The following TCF4 variants were observed in gnomAD, a reference collection of about 807,000 sequenced individuals.
TCF4 encodes the protein transcription factor 4.
In TCF4, 3 loss-of-function variants were observed where a neutral mutation model predicts 82.1. The observed-to-expected ratio is 0.04, with a 90% CI of 0.02 to 0.09. The LOEUF is 0.09. Ranked by LOEUF, TCF4 falls within the 10% of genes least tolerant of loss-of-function variation. The pLI is 1.00. For missense variants in TCF4, 518 were observed against 852.7 expected (o/e 0.61, Z 4.89); for synonymous variants, 276 against 309.6 (o/e 0.89, Z 1.14).
intron 3 of TCF4, among the ~76,000 whole-genome samples, chr18:55,472,924 C>G (rs932852970): frequency 6.6e-6 from 1 of 152,104 alleles, no homozygotes; most frequent in Admixed American, 6.6e-5. Flanking sequence ...CTTTAGAAAA[C>G]AAAGTGTTAA....
At chr18:55,315,965 T>A (rs954656703) in intron 8 of TCF4, among the ~76,000 whole-genome samples, 2 of 152,100 alleles carry the variant, frequency 1.3e-5, no homozygotes, top group Admixed American at 6.6e-5. Context: ...ATAATGTTTA[T>A]CATATACAAC....
intron 8 of TCF4, among the ~76,000 whole-genome samples, chr18:55,334,591 C>T (rs74776396): frequency 0.011 from 1,645 of 152,206 alleles, 13 homozygotes; most frequent in Non-Finnish European, 0.015. Flanking sequence ...AGTGCCTTCA[C>T]CTTTCTAGAA....
intron 6 of TCF4, among the ~76,000 whole-genome samples, chr18:55,371,850 G>C (rs2089300189): frequency 6.6e-6 from 1 of 152,112 alleles, no homozygotes; most frequent in Admixed American, 6.6e-5. Context: ...GTGAGGTCCT[G>C]GAAGCTGGGG....
intron 3 of TCF4, among the ~76,000 whole-genome samples, chr18:55,518,657 A>G (rs1253106957): frequency 6.6e-6 from 1 of 152,222 alleles, no homozygotes; most frequent in Non-Finnish European, 1.5e-5. Flanking sequence ...AAGGATGAAT[A>G]ACCCAGAAAT....
At chr18:55,530,325 T>G (rs1222519480) in intron 3 of TCF4, among the ~76,000 whole-genome samples, 1 of 151,806 alleles carries the variant, frequency 6.6e-6, no homozygotes, top group African/African-American at 2.4e-5. Flanking sequence ...GAGTAGGGGG[T>G]TGGGATTCAA....
chr18:55,621,932 CTA>C (rs1205999570), intron 2 of TCF4, among the ~76,000 whole-genome samples: 1 of 10,972 alleles, frequency 9.1e-5, no homozygotes, highest in East Asian at 2.7e-3. Flanking sequence ...ACACTATATA[CTA>C]TATATACACT....
chr18:55,422,099 A>G lies in TCF4; in HGVS notation c.305-18581T>C, dbSNP rs2919447. ...AGGGAATAGATTAAAAAGAAAAAGCACAAAAAAAAAAAAACCACTATCATC... is the reference window on the plus strand; with the variant it reads ...AGGGAATAGATTAAAAAGAAAAAGCGCAAAAAAAAAAAAACCACTATCATC... On this transcript the variant is annotated intron_variant, in intron 5 of 19. Coordinates refer to ENST00000354452, the MANE Select transcript of TCF4 (RefSeq NM_001083962.2). 19 of 608,996 alleles carry G rather than the reference A, an allele frequency of 3.1e-5. No homozygotes were observed. The South Asian group carries it at 1.2e-3, about 40-fold the overall frequency. 37.7% of individuals were successfully genotyped at this position (608,996 alleles called of 1,614,324 possible).
chr18:55,406,115 T>A (rs929798504), intron 5 of TCF4, among the ~76,000 whole-genome samples: 1 of 139,406 alleles, frequency 7.2e-6, no homozygotes, highest in Non-Finnish European at 1.5e-5. Flanking sequence ...AGCAGGAGGC[T>A]GGGAGGTGGA....
intron 8 of TCF4, among the ~76,000 whole-genome samples, chr18:55,333,941 T>C (rs2078103151): frequency 6.6e-6 from 1 of 152,214 alleles, no homozygotes; most frequent in Non-Finnish European, 1.5e-5. Flanking sequence ...GATAATTATA[T>C]AAACTCCTCC....
chr18:55,378,657 T>C (rs1244107461), intron 6 of TCF4, among the ~76,000 whole-genome samples: 3 of 152,202 alleles, frequency 2.0e-5, no homozygotes, highest in African/African-American at 7.2e-5. Flanking sequence ...GTGACTTTGG[T>C]CTCCATATAG....
intron 2 of TCF4, among the ~76,000 whole-genome samples, chr18:55,622,990 G>A (rs1457780873): frequency 1.3e-5 from 2 of 151,984 alleles, no homozygotes; most frequent in Non-Finnish European, 2.9e-5. Flanking sequence ...GAAAACCATA[G>A]AGTGGCAGAC....
Position 55,259,988 on chromosome 18 carries a change from T to C in TCF4, c.1030A>G (p.Asn344Asp). 6.2e-7 allele frequency: 1 copy of C among 1,613,536 alleles called. No homozygotes were observed. The highest frequency in any genetic ancestry group is 8.5e-7 in the Non-Finnish European group (1 of 1,179,628). The change falls in exon 13 of 20, where the codon AAC becomes GAC. Residue 344 changes from asparagine (N) to aspartate (D), a missense_variant. By Grantham distance (23) the Asn-to-Asp change is conservative. Coordinates refer to ENST00000354452, the MANE Select transcript of TCF4 (RefSeq NM_001083962.2). ...GGAGAGCCAACAGGAGTTGAAGGGT[T>C]TGATGAAAAGCTGTTGTTAGTGTGA... ...PDHTNNSFSSNPSTPVGSPPS... is the reference protein window; with the variant it reads ...PDHTNNSFSSDPSTPVGSPPS...
chr18:55,271,011 T>C (rs569013978), intron 10 of TCF4, among the ~76,000 whole-genome samples: 20 of 152,266 alleles, frequency 1.3e-4, no homozygotes, highest in African/African-American at 3.8e-4. Flanking sequence ...CTGTTAAAAA[T>C]TGTTTATTTC....
intron 6 of TCF4, among the ~76,000 whole-genome samples, chr18:55,365,516 C>T (rs577771364): frequency 2.8e-4 from 43 of 152,006 alleles, no homozygotes; most frequent in African/African-American, 1.0e-3. Flanking sequence ...AAGTCAGCTC[C>T]CTAATGCTCT....
intron 6 of TCF4, chr18:55,400,733 A>C: frequency 4.2e-6 from 1 of 237,828 alleles, no homozygotes; most frequent in South Asian, 5.6e-5. Flanking sequence ...GTCTCACAAT[A>C]ATAATGTATT....
intron 11 of TCF4, 123 bp from the exon 12 acceptor site, chr18:55,261,656 T>A: frequency 9.6e-7 from 1 of 1,041,078 alleles, no homozygotes; most frequent in Non-Finnish European, 1.5e-6. Context: ...CATTAATCTT[T>A]AATTAGCATT....
intron 8 of TCF4, among the ~76,000 whole-genome samples, chr18:55,293,562 AATAG>A (rs1444542826): frequency 1.3e-5 from 2 of 152,142 alleles, no homozygotes; most frequent in Admixed American, 1.3e-4. Context: ...TTCTATCGTT[AATAG>A]ATAGAGGTTC....
chr18:55,346,930 TC>T (rs767658115), intron 8 of TCF4, among the ~76,000 whole-genome samples: 3 of 152,200 alleles, frequency 2.0e-5, no homozygotes, highest in Non-Finnish European at 4.4e-5. Flanking sequence ...ATCATTTTTT[TC>T]CAACTTTAAT....
intron 8 of TCF4, among the ~76,000 whole-genome samples, chr18:55,304,131 G>GTAAAGC (rs1273925469): frequency 6.6e-6 from 1 of 152,186 alleles, no homozygotes; most frequent in East Asian, 1.9e-4. Flanking sequence ...ATAGATATAA[G>GTAAAGC]TAAAGCTAGA....
Sources: gnomAD v4.1 joint callset for allele counts (sites outside exome capture counted in the v4.1 genomes callset) on GRCh38, gnomAD v4.1.1 for gene constraint, MANE v1.5 for transcripts, NCBI Gene and HGNC (gene_info 2026-07-23, HGNC 2026-07-21) for gene names.